The following VCAM1 variants were observed in gnomAD, a reference collection of about 807,000 sequenced individuals.
VCAM1 encodes the protein vascular cell adhesion molecule 1, also known as vascular cell adhesion protein 1.
In VCAM1, 41 loss-of-function variants were observed where a neutral mutation model predicts 63.8. That is an observed-to-expected ratio of 0.64 (90% CI 0.50 to 0.83). The LOEUF (loss-of-function observed/expected upper bound fraction) is 0.83. Among genes scored for constraint, VCAM1 ranks in the 40% least tolerant of loss-of-function variants. The pLI, the probability that VCAM1 is intolerant of heterozygous loss-of-function variation, is 0.00. For synonymous variants in VCAM1, 338 were observed against 320.7 expected (o/e 1.05, Z -0.58); for missense variants, 798 against 875.5 (o/e 0.91, Z 1.12).
At chr1:100,725,460 A>C (rs1358578957) in intron 4 of VCAM1, among the ~76,000 whole-genome samples, 1 of 152,046 alleles carries the variant, frequency 6.6e-6, no homozygotes, top group African/African-American at 2.4e-5. Flanking sequence ...CATCCTCAAG[A>C]AATAACTAAA....
chr1:100,723,366 G>A (rs781198030), intron 3 of VCAM1, 26 bp downstream of exon 3: 1 of 1,596,664 alleles, frequency 6.3e-7, no homozygotes, highest in Admixed American at 1.7e-5. Context: ...ATGTGTTCCA[G>A]TCTTTGTGGG....
chr1:100,737,480 CT>C (rs1264375285), intron 8 of VCAM1: 7 of 152,170 alleles, frequency 4.6e-5, no homozygotes, highest in Admixed American at 4.6e-4. Flanking sequence ...AACATTTAAG[CT>C]GTAACATAAC....
chr1:100,736,288 C>T (rs1444552878), intron 8 of VCAM1: 2 of 152,132 alleles, frequency 1.3e-5, no homozygotes, highest in Admixed American at 6.6e-5. Flanking sequence ...TGCCCCCAAA[C>T]TGAATATAGT....
chr1:100,727,975 C>T (rs1187809865), intron 4 of VCAM1, among the ~76,000 whole-genome samples: 1 of 151,862 alleles, frequency 6.6e-6, no homozygotes, highest in Non-Finnish European at 1.5e-5. Flanking sequence ...CTTTCTTTTA[C>T]CTTAAGCCTG....
At chr1:100,736,114 T>C (rs1471817979) in intron 8 of VCAM1, 1 of 152,226 alleles carries the variant, frequency 6.6e-6, no homozygotes, top group East Asian at 1.9e-4. Flanking sequence ...ATTGTGACCT[T>C]TTAAAGACAC....
rs749121016 is a variant in VCAM1 at position 100,732,536 on chromosome 1, G to T, written c.1644G>T (p.Arg548Ser). 1.9e-6 allele frequency: 3 copies of T among 1,612,884 alleles called. No homozygotes were observed. Among genetic ancestry groups the T allele is most frequent in the Non-Finnish European group, 2.5e-6 (3 of 1,179,568 alleles). Reference sequence around the variant, plus strand: ...CTGCTCCGAAAATCCTGTGGAGCAGGCAGCTCCCTAACGGGGAGCTACAGC... The same window carrying T: ...CTGCTCCGAAAATCCTGTGGAGCAGTCAGCTCCCTAACGGGGAGCTACAGC... ...GFPAPKILWSRQLPNGELQPL... is the reference protein window; with the variant it reads ...GFPAPKILWSSQLPNGELQPL... Residue 548 changes from arginine (R) to serine (S), a missense_variant, in exon 7 of 9, where the codon AGG becomes AGT. Transcript: ENST00000294728.
At position 100,729,336 on chromosome 1, in the gene VCAM1, T is replaced by C; in HGVS notation, c.1158T>C (p.Thr386=). Residue 386 remains threonine (T), a synonymous_variant, in exon 5 of 9, where the codon ACT becomes ACC. Coordinates refer to ENST00000294728, the MANE Select transcript of VCAM1 (RefSeq NM_001078.4). ...ENEHSYLCTV[T]CGHKKLEKGI... ...AACACTCTTATCTGTGCACAGTGAC[T>C]TGTGGACATAAGAAACTGGAAAAGG... is the stretch of plus-strand genomic sequence containing the variant. The C allele has an allele frequency of 6.2e-7, 1 of 1,611,790 alleles. No individual in the cohort carries two copies. The highest frequency in any genetic ancestry group is 8.5e-7 in the Non-Finnish European group (1 of 1,178,762).
intron 8 of VCAM1, 27 bp downstream of exon 8, chr1:100,734,795 C>G: frequency 1.9e-6 from 3 of 1,609,854 alleles, no homozygotes; most frequent in Non-Finnish European, 2.5e-6. Context: ...TTTTTGTTTT[C>G]TTGGTAATAG....
intron 3 of VCAM1, among the ~76,000 whole-genome samples, chr1:100,723,584 T>C (rs1344981406): frequency 6.6e-6 from 1 of 151,982 alleles, no homozygotes; most frequent in African/African-American, 2.4e-5. Context: ...GTTACTTAAT[T>C]TCTCTATTTC....
At chr1:100,720,957 G>A (rs907898640) in intron 2 of VCAM1, among the ~76,000 whole-genome samples, 3 of 152,078 alleles carry the variant, frequency 2.0e-5, no homozygotes, top group South Asian at 2.1e-4. Context: ...TTCTACCTCT[G>A]CCACAAACAC....
At position 100,734,748 on chromosome 1, in the gene VCAM1, G is replaced by T. The variant is rs375202659; in HGVS notation, c.2039G>T (p.Ser680Ile). Residue 680 changes from serine (S) to isoleucine (I), a missense_variant, in exon 8 of 9, where the codon AGT becomes ATT. Ser to Ile is a moderately radical substitution (Grantham distance 142, BLOSUM62 -2). Coordinates refer to ENST00000294728, the MANE Select transcript of VCAM1 (RefSeq NM_001078.4). ...SKNKVGSQLR[S>I]LTLDVQGREN... ...AACAAAGTTGGCTCACAATTAAGAA[G>T]TTTAACACTTGATGTTCAAGGTGAG... 22 of 1,613,614 alleles carry T rather than the reference G, an allele frequency of 1.4e-5. No homozygotes were observed. The highest frequency in any genetic ancestry group is 1.8e-5 in the Non-Finnish European group (21 of 1,179,786).
Position 100,738,347 on chromosome 1 carries a change from C to T in VCAM1, c.*64C>T, listed in dbSNP as rs1320927149. 3 of 1,505,686 alleles carry T rather than the reference C, an allele frequency of 2.0e-6. No individual in the cohort carries two copies. The African/African-American group carries it at 4.2e-5, about 21-fold the overall frequency. The allele number at this position is 1,505,686 out of a possible 1,614,324, so 93.3% of individuals were successfully genotyped here. On this transcript the variant is annotated 3_prime_UTR_variant, in exon 9 of 9. Transcript: ENST00000294728. ...TGTGCAAATCCTTGATACTGCTCAT[C>T]ATTCCTTGAGAAAAACAATGAGCTG...
At chr1:100,726,066 C>G (rs769035922) in intron 4 of VCAM1, among the ~76,000 whole-genome samples, 1 of 151,990 alleles carries the variant, frequency 6.6e-6, no homozygotes, top group Non-Finnish European at 1.5e-5. Flanking sequence ...TTCCACTCCT[C>G]GCCCCAGCCT....
intron 1 of VCAM1, 72 bp from the exon 2 acceptor site, chr1:100,720,404 T>C (rs1452883954): frequency 3.9e-6 from 6 of 1,524,036 alleles, no homozygotes; most frequent in Non-Finnish European, 5.3e-6. Flanking sequence ...TTAGACATTA[T>C]ACAGAGAAGA....
rs1205213039 is a variant in VCAM1 at position 100,731,714 on chromosome 1, T to G, written c.1525+196T>G. ...ATAGTAACTATTTACTGGCTTATGA[T>G]GCTTTGAGTAGGCAATTTAGGAAGG... On this transcript the variant is annotated intron_variant, in intron 6 of 8. Coordinates refer to ENST00000294728, the MANE Select transcript of VCAM1 (RefSeq NM_001078.4). This position sits in a 1 kb window ranked among gnomAD's most constrained non-coding sequence, Gnocchi z 4.2. Among the ~76,000 whole-genome samples, 1 of 152,198 alleles carries G rather than the reference T, an allele frequency of 6.6e-6. No individual in the cohort carries two copies. Among genetic ancestry groups the G allele is most frequent in the African/African-American group, 2.4e-5 (1 of 41,464 alleles).
chr1:100,731,347 T>C lies in VCAM1; in HGVS notation c.1354T>C (p.Phe452Leu). 1 of 1,613,148 alleles carries C rather than the reference T, an allele frequency of 6.2e-7. No homozygotes were observed. Among genetic ancestry groups the C allele is most frequent in the Middle Eastern group, 1.6e-4 (1 of 6,062 alleles). ...KGETILENIE[F>L]LEDTDMKSLE... ...GGAGACTATTCTGGAGAATATAGAG[T>C]TTTTGGAGGATACGGATATGAAATC... The change falls in exon 6 of 9, where the codon TTT becomes CTT. Residue 452 changes from phenylalanine to leucine, a missense_variant. Transcript: ENST00000294728. This position sits in a 1 kb window ranked among gnomAD's most constrained non-coding sequence, Gnocchi z 4.2.
In VCAM1 at chr1:100,731,210, A is replaced by C; in HGVS notation, c.1217A>C (p.Asp406Ala). The change falls in exon 6 of 9, where the codon GAT becomes GCT. Residue 406 changes from aspartate to alanine, a missense_variant. Transcript: ENST00000294728. The surrounding 1 kb of genome is among the most constrained non-coding windows in gnomAD (Gnocchi z 4.2). ...TTGCGATTTGCAGCATTCCCTAGAG[A>C]TCCAGAAATCGAGATGAGTGGTGGC... The part of the protein sequence containing the change: ...IQVELYSFPR[D>A]PEIEMSGGLV... The C allele has an allele frequency of 6.2e-7, 1 of 1,602,248 alleles. No individual in the cohort carries two copies. Among genetic ancestry groups the C allele is most frequent in the Admixed American group, 1.7e-5 (1 of 58,128 alleles).
chr1:100,724,541 C>T lies in VCAM1; in HGVS notation c.662-83C>T, dbSNP rs1037438531. The T allele has an allele frequency of 6.7e-6, 10 of 1,489,630 alleles. No individual in the cohort carries two copies. In the Admixed American group the frequency reaches 1.0e-4, roughly 16 times the overall value. The allele number at this position is 1,489,630 out of a possible 1,614,324, so 92.3% of individuals were successfully genotyped here. A position where few individuals can be genotyped will look rare whatever the true frequency, so the allele number is the denominator to read the frequency against. ...TAATTTCATCAAATTGGTGGAAGCA[C>T]ATAAATACTAAGAGAAATACATTAC... On this transcript the variant is annotated intron_variant, in intron 3 of 8. Transcript: ENST00000294728.
At chr1:100,734,830 G>C in intron 8 of VCAM1, 62 bp downstream of exon 8, 1 of 1,557,958 alleles carries the variant, frequency 6.4e-7, no homozygotes, top group South Asian at 1.2e-5. Context: ...GGATTACTAA[G>C]AGTTTCCAAT....
Sources: allele counts gnomAD v4.1 joint callset (sites outside exome capture counted in the v4.1 genomes callset), GRCh38; gene constraint gnomAD v4.1.1; non-coding constraint Gnocchi (gnomAD v3.1); transcripts MANE v1.5; gene names NCBI Gene and HGNC (gene_info 2026-07-23, HGNC 2026-07-21).